LINGO2: variants seen among roughly 807,000 people sequenced by gnomAD.
LINGO2 encodes the protein leucine-rich repeat and immunoglobulin-like domain-containing nogo receptor-interacting protein 2.
LINGO2 carries 14 observed loss-of-function variants against 30.6 expected under a neutral mutation model. The observed-to-expected ratio is 0.46, with a 90% CI of 0.30 to 0.72. LINGO2 has a LOEUF of 0.72. Ranked by LOEUF, LINGO2 falls within the 30% of genes least tolerant of loss-of-function variation. LINGO2 has a pLI of 0.07. For synonymous variants in LINGO2, 317 were observed against 288.5 expected (o/e 1.10, Z -1.00); for missense variants, 729 against 751.7 (o/e 0.97, Z 0.35).
At chr9:28,883,026 A>C in the LINGO2 span, among the ~76,000 whole-genome samples, 1 of 152,104 alleles carries the variant, frequency 6.6e-6, no homozygotes, top group Non-Finnish European at 1.5e-5. Flanking sequence ...CCCAATTCAA[A>C]CACATCAACA....
intron 5 of LINGO2, among the ~76,000 whole-genome samples, chr9:28,001,906 A>G (rs1330513131): frequency 1.3e-5 from 2 of 152,348 alleles, no homozygotes; most frequent in East Asian, 3.9e-4. Flanking sequence ...TTGATAATTG[A>G]TACATTGAAA....
chr9:29,007,271 T>A, the LINGO2 span, among the ~76,000 whole-genome samples: 4 of 152,046 alleles, frequency 2.6e-5, no homozygotes, highest in Non-Finnish European at 5.9e-5. Flanking sequence ...ACAGAAGCCA[T>A]CTGTTGAATT....
intron 2 of LINGO2, among the ~76,000 whole-genome samples, chr9:28,446,912 T>G (rs1430027842): frequency 6.6e-6 from 1 of 152,216 alleles, no homozygotes; most frequent in Admixed American, 6.5e-5. Flanking sequence ...TCTCACTCTC[T>G]GCCCTGCAGT....
the LINGO2 span, among the ~76,000 whole-genome samples, chr9:29,023,229 C>T: frequency 2.6e-5 from 4 of 151,978 alleles, no homozygotes; most frequent in Admixed American, 6.6e-5. Flanking sequence ...AGATAATATA[C>T]ACAAAGCATT....
chr9:28,912,526 G>T, the LINGO2 span, among the ~76,000 whole-genome samples: 1 of 152,108 alleles, frequency 6.6e-6, no homozygotes, highest in Non-Finnish European at 1.5e-5. Flanking sequence ...TGGAAGATAT[G>T]TGACAGTTGC....
intron 4 of LINGO2, among the ~76,000 whole-genome samples, chr9:28,174,898 C>CTGTG (rs66472807): frequency 0.097 from 13,666 of 140,882 alleles, 798 homozygotes; most frequent in South Asian, 0.26. Flanking sequence ...ATTTGTGTCT[C>CTGTG]TGTGTGTGTG....
At chr9:28,389,954 TG>T (rs1273998184) in intron 2 of LINGO2, among the ~76,000 whole-genome samples, 1 of 152,202 alleles carries the variant, frequency 6.6e-6, no homozygotes, top group Non-Finnish European at 1.5e-5. Context: ...CAACATTCCA[TG>T]CTTCCTTTTC....
chr9:28,402,259 ATTTTC>A (rs1822302194), intron 2 of LINGO2, among the ~76,000 whole-genome samples: 1 of 152,022 alleles, frequency 6.6e-6, no homozygotes, highest in Admixed American at 6.6e-5. Flanking sequence ...AACAAATTGT[ATTTTC>A]TTTTATTTGT....
exon 6 of LINGO2, chr9:27,949,694 G>A (rs1411131751): frequency 1.9e-6 from 3 of 1,614,100 alleles, no homozygotes; most frequent in East Asian, 4.5e-5. Context: ...GAGACACATT[G>A]AGCACGCGTA....
chr9:28,709,866 T>C, the LINGO2 span, among the ~76,000 whole-genome samples: 4 of 152,016 alleles, frequency 2.6e-5, no homozygotes, highest in African/African-American at 9.7e-5. Flanking sequence ...TAGAGATTAA[T>C]ATGCCAATGT....
At chr9:28,870,855 T>C in the LINGO2 span, among the ~76,000 whole-genome samples, 1 of 152,198 alleles carries the variant, frequency 6.6e-6, no homozygotes, top group African/African-American at 2.4e-5. Context: ...AGCATCAAGA[T>C]ATTTATTCCA....
intron 1 of LINGO2, among the ~76,000 whole-genome samples, chr9:28,584,572 C>T (rs1051892519): frequency 3.9e-5 from 6 of 151,960 alleles, no homozygotes; most frequent in Admixed American, 6.6e-5. Context: ...ATCCCTGTGT[C>T]GAAATAAATA....
chr9:28,398,896 A>T (rs1365095982), intron 2 of LINGO2, among the ~76,000 whole-genome samples: 3 of 152,260 alleles, frequency 2.0e-5, no homozygotes, highest in African/African-American at 7.2e-5. Context: ...CTTACATTCA[A>T]ATTACCTGAG....
chr9:29,124,212 A>G, the LINGO2 span, among the ~76,000 whole-genome samples: 1 of 152,232 alleles, frequency 6.6e-6, no homozygotes, highest in Non-Finnish European at 1.5e-5. Context: ...AGCCATATGC[A>G]GAAAACTGAA....
chr9:28,670,005 A>C (rs1828951954), intron 1 of LINGO2, among the ~76,000 whole-genome samples, 195 bp downstream of exon 3: 1 of 152,058 alleles, frequency 6.6e-6, no homozygotes, highest in Admixed American at 6.6e-5. Flanking sequence ...GTGGATTGTC[A>C]ACATGCCAAT....
At chr9:28,790,961 T>G in the LINGO2 span, among the ~76,000 whole-genome samples, 1 of 152,156 alleles carries the variant, frequency 6.6e-6, no homozygotes. Flanking sequence ...CATACTCTTA[T>G]AAGACTGATT....
chr9:28,456,507 C>G (rs941968855), intron 2 of LINGO2, among the ~76,000 whole-genome samples: 1 of 152,142 alleles, frequency 6.6e-6, no homozygotes, highest in African/African-American at 2.4e-5. Context: ...GAAATTTGGG[C>G]TTGCAGAAGT....
the LINGO2 span, among the ~76,000 whole-genome samples, chr9:28,717,567 A>G: frequency 6.6e-6 from 1 of 152,014 alleles, no homozygotes; most frequent in Non-Finnish European, 1.5e-5. Context: ...CACACACTCA[A>G]GAGCAAATGT....
At chr9:28,768,613 GACACACACACAC>G in the LINGO2 span, among the ~76,000 whole-genome samples, 12 of 144,510 alleles carry the variant, frequency 8.3e-5, no homozygotes, top group East Asian at 2.0e-4. Context: ...GACAGACTGG[GACACACACACAC>G]ACACACACAC....
Sources: gnomAD v4.1 joint callset for allele counts (sites outside exome capture counted in the v4.1 genomes callset) on GRCh38, gnomAD v4.1.1 for gene constraint, MANE v1.5 for transcripts, NCBI Gene and HGNC (gene_info 2026-07-23, HGNC 2026-07-21) for gene names.